The following CAMKMT variants were observed in gnomAD, a reference collection of about 807,000 sequenced individuals.
CAMKMT encodes the protein CaM KMT.
A neutral mutation model predicts 48.0 loss-of-function variants in CAMKMT; 53 were observed. The observed-to-expected ratio is 1.10, with a 90% CI of 0.89 to 1.39. The LOEUF is 1.39. CAMKMT is among the 40% of genes most tolerant of loss of function. The pLI is 0.00. For synonymous variants in CAMKMT, 165 were observed against 152.3 expected (o/e 1.08, Z -0.61); for missense variants, 428 against 402.7 (o/e 1.06, Z -0.54).
chr2:44,506,702 A>G (rs1670279234), intron 3 of CAMKMT, among the ~76,000 whole-genome samples: 1 of 152,202 alleles, frequency 6.6e-6, no homozygotes, highest in Non-Finnish European at 1.5e-5. Flanking sequence ...TAGTATAAAT[A>G]TAGTTCAAGA....
intron 3 of CAMKMT, among the ~76,000 whole-genome samples, chr2:44,609,240 C>T (rs1483967450): frequency 1.3e-5 from 2 of 152,136 alleles, no homozygotes; most frequent in African/African-American, 4.8e-5. Flanking sequence ...TCAAAGAACA[C>T]ATAATTACAG....
chr2:44,638,867 T>G (rs1673292168), intron 3 of CAMKMT, among the ~76,000 whole-genome samples: 1 of 152,230 alleles, frequency 6.6e-6, no homozygotes, highest in African/African-American at 2.4e-5. Flanking sequence ...CTGCCAGTTT[T>G]GCTATCTTTG....
intron 3 of CAMKMT, among the ~76,000 whole-genome samples, chr2:44,586,885 A>C (rs1048475242): frequency 6.6e-6 from 1 of 152,222 alleles, no homozygotes; most frequent in Non-Finnish European, 1.5e-5. Context: ...AGAAACTGCC[A>C]AACTGTTTTC....
chr2:44,498,084 T>C (rs1669842928), intron 3 of CAMKMT, among the ~76,000 whole-genome samples: 1 of 152,198 alleles, frequency 6.6e-6, no homozygotes, highest in South Asian at 2.1e-4. Flanking sequence ...GTTTCCTTTA[T>C]ATTTTTACCC....
intron 3 of CAMKMT, among the ~76,000 whole-genome samples, chr2:44,399,625 G>T (rs1274621754): frequency 1.4e-5 from 2 of 138,910 alleles, no homozygotes; most frequent in African/African-American, 5.2e-5. Context: ...AAATAATCAA[G>T]AAAAAAAAAA....
intron 3 of CAMKMT, among the ~76,000 whole-genome samples, chr2:44,649,080 A>G (rs1673914529): frequency 6.6e-6 from 1 of 152,194 alleles, no homozygotes; most frequent in African/African-American, 2.4e-5. Flanking sequence ...ACACATACAC[A>G]TATCCCACTA....
chr2:44,692,228 T>C (rs975601482), intron 3 of CAMKMT, among the ~76,000 whole-genome samples: 3 of 152,046 alleles, frequency 2.0e-5, no homozygotes, highest in Admixed American at 6.6e-5. Context: ...ACAACAGTAA[T>C]AGCAGCAGCA....
At chr2:44,388,796 G>A (rs1364886231) in intron 2 of CAMKMT, among the ~76,000 whole-genome samples, 1 of 152,158 alleles carries the variant, frequency 6.6e-6, no homozygotes, top group East Asian at 1.9e-4. Flanking sequence ...TACCCAGTGA[G>A]TCTACCTGGC....
At chr2:44,706,238 A>G in intron 4 of CAMKMT, 49 bp from the exon 5 acceptor site, 1 of 1,591,874 alleles carries the variant, frequency 6.3e-7, no homozygotes, top group South Asian at 1.1e-5. Flanking sequence ...CTCTCTGACC[A>G]TTTTCATCTA....
chr2:44,384,933 T>A (rs1433610628), intron 2 of CAMKMT, among the ~76,000 whole-genome samples: 1 of 152,198 alleles, frequency 6.6e-6, no homozygotes, highest in Admixed American at 6.5e-5. Context: ...AGATTTGTTC[T>A]TTTTGCTTAG....
intron 2 of CAMKMT, among the ~76,000 whole-genome samples, chr2:44,377,312 T>G (rs1343942867): frequency 6.6e-6 from 1 of 152,206 alleles, no homozygotes; most frequent in East Asian, 1.9e-4. Flanking sequence ...TGGACTTTGG[T>G]ACTTTGTTTC....
chr2:44,402,740 GTTTTT>G, intron 3 of CAMKMT, among the ~76,000 whole-genome samples: 1 of 94,106 alleles, frequency 1.1e-5, no homozygotes, highest in East Asian at 2.9e-4. Context: ...TTGTTTTGCT[GTTTTT>G]TTTTTTTTTT....
At chr2:44,508,676 AT>A (rs1240836130) in intron 3 of CAMKMT, among the ~76,000 whole-genome samples, 2 of 152,014 alleles carry the variant, frequency 1.3e-5, no homozygotes, top group South Asian at 2.1e-4. Flanking sequence ...TTTCTATGGG[AT>A]TTTTTTTCCT....
chr2:44,735,972 G>T (rs1370092836), intron 7 of CAMKMT, among the ~76,000 whole-genome samples: 1 of 152,008 alleles, frequency 6.6e-6, no homozygotes, highest in Non-Finnish European at 1.5e-5. Context: ...TTGGTCCCCT[G>T]CCAGTCTTTA....
rs183962196 is a variant in CAMKMT at position 44,590,350 on chromosome 2, A to G, written c.377-113933A>G. On this transcript the variant is annotated intron_variant, in intron 3 of 10. Transcript: ENST00000378494. ...AAGAATTGGTGTTATTTCTCCTTCA[A>G]TATTTGGTAGAATTCACCAGTAAGC... Among the ~76,000 whole-genome samples the G allele has an allele frequency of 5.3e-5, 8 of 152,244 alleles. No individual in the cohort carries two copies. In the East Asian group the frequency reaches 5.8e-4, roughly 11 times the overall value.
chr2:44,648,650 T>A (rs1046149815), intron 3 of CAMKMT, among the ~76,000 whole-genome samples: 1 of 152,218 alleles, frequency 6.6e-6, no homozygotes, highest in African/African-American at 2.4e-5. Flanking sequence ...CTTAACTCCT[T>A]CACCATCACT....
chr2:44,474,168 G>A (rs1447025449), intron 3 of CAMKMT, among the ~76,000 whole-genome samples: 4 of 152,020 alleles, frequency 2.6e-5, no homozygotes, highest in South Asian at 2.1e-4. Flanking sequence ...GCATTGGGCC[G>A]GGCGTCGTGG....
chr2:44,534,486 C>G (rs1666658116), intron 3 of CAMKMT, among the ~76,000 whole-genome samples: 1 of 152,096 alleles, frequency 6.6e-6, no homozygotes, highest in African/African-American at 2.4e-5. Flanking sequence ...TATGTTAGGC[C>G]AGAAAACAAA....
chr2:44,391,348 CT>C (rs1356808264), intron 3 of CAMKMT, among the ~76,000 whole-genome samples: 2 of 152,146 alleles, frequency 1.3e-5, no homozygotes, highest in East Asian at 3.9e-4. Context: ...TGGATAGTGA[CT>C]GATGTGCCTT....
Sources: allele counts gnomAD v4.1 joint callset (sites outside exome capture counted in the v4.1 genomes callset), GRCh38; gene constraint gnomAD v4.1.1; transcripts MANE v1.5; gene names NCBI Gene and HGNC (gene_info 2026-07-23, HGNC 2026-07-21).